TECRL: variants seen among roughly 807,000 people sequenced by gnomAD.
TECRL encodes the protein trans-2,3-enoyl-CoA reductase-like.
A neutral mutation model predicts 52.8 loss-of-function variants in TECRL; 63 were observed. That is an observed-to-expected ratio of 1.19 (90% CI 0.97 to 1.47). The LOEUF is 1.47. TECRL is among the 40% of genes most tolerant of loss of function. The probability of loss-of-function intolerance (pLI) is 0.00; values close to 1 mark genes in which losing one functional copy is unlikely to be tolerated. For missense variants in TECRL, 482 were observed against 429.6 expected (o/e 1.12, Z -1.08); for synonymous variants, 164 against 141.9 (o/e 1.16, Z -1.10).
At position 64,279,993 on chromosome 4, in the gene TECRL, A is replaced by T; in HGVS notation, c.*79T>A. On this transcript the variant is annotated 3_prime_UTR_variant, in exon 12 of 12. Transcript: ENST00000381210. ...TGTTGCTCATGAATTGTTGGAGTAT[A>T]ATAGTTAACTATCCTTAACTAAGTC... is the stretch of plus-strand genomic sequence containing the variant. 6.7e-7 allele frequency: 1 copy of T among 1,485,804 alleles called. No individual in the cohort carries two copies. The highest frequency in any genetic ancestry group is 1.4e-5 in the African/African-American group (1 of 70,000). 92.0% of individuals were successfully genotyped at this position (1,485,804 alleles called of 1,614,324 possible). A position where few individuals can be genotyped will look rare whatever the true frequency, so the allele number is the denominator to read the frequency against.
At chr4:64,291,422 C>T (rs578234225) in intron 8 of TECRL, among the ~76,000 whole-genome samples, 1 of 152,048 alleles carries the variant, frequency 6.6e-6, no homozygotes, top group East Asian at 1.9e-4. Context: ...CATCTTTCAA[C>T]TTAGACAGCT....
chr4:64,377,294 A>G (rs1298973310), intron 1 of TECRL, among the ~76,000 whole-genome samples: 1 of 152,024 alleles, frequency 6.6e-6, no homozygotes, highest in Non-Finnish European at 1.5e-5. Flanking sequence ...TAGCCACAGG[A>G]TTGTACTTGA....
intron 6 of TECRL, among the ~76,000 whole-genome samples, chr4:64,308,936 A>T (rs1391668385): frequency 6.6e-6 from 1 of 152,230 alleles, no homozygotes; most frequent in Admixed American, 6.5e-5. Context: ...ATTGCATAAG[A>T]TACACTAATA....
At chr4:64,298,219 G>T (rs1387962498) in intron 8 of TECRL, among the ~76,000 whole-genome samples, 1 of 151,080 alleles carries the variant, frequency 6.6e-6, no homozygotes, top group Admixed American at 6.6e-5. Context: ...GCTTAAATGT[G>T]CAATTAAAGT....
chr4:64,306,053 G>A (rs1724317801), intron 6 of TECRL, among the ~76,000 whole-genome samples: 7 of 152,104 alleles, frequency 4.6e-5, no homozygotes, highest in Admixed American at 4.6e-4. Context: ...CAACATTTTG[G>A]GGGATTGCTC....
At chr4:64,393,375 A>G (rs919545429) in intron 1 of TECRL, among the ~76,000 whole-genome samples, 4 of 152,160 alleles carry the variant, frequency 2.6e-5, no homozygotes, top group African/African-American at 7.2e-5. Context: ...AAGGGGGGGA[A>G]CATGAATTTC....
At chr4:64,282,688 G>A (rs1204372507) in intron 9 of TECRL, among the ~76,000 whole-genome samples, 1 of 151,984 alleles carries the variant, frequency 6.6e-6, no homozygotes, top group African/African-American at 2.4e-5. Context: ...TAGAGGTGTG[G>A]AATGATCAAG....
chr4:64,387,205 G>A (rs151247641), intron 1 of TECRL, among the ~76,000 whole-genome samples: 179 of 152,080 alleles, frequency 1.2e-3, no homozygotes, highest in African/African-American at 4.1e-3. Context: ...ACTTAGTAAT[G>A]CACATTTAAA....
In TECRL at chr4:64,314,676, C is replaced by A; in HGVS notation, c.523G>T (p.Ala175Ser). The A allele has an allele frequency of 6.2e-7, 1 of 1,611,926 alleles. No homozygotes were observed. The highest frequency in any genetic ancestry group is 8.5e-7 in the Non-Finnish European group (1 of 1,178,872). Residue 175 changes from alanine to serine, a missense_variant, in exon 5 of 12, where the codon GCT (alanine) becomes TCT (serine). By Grantham distance (99) the Ala-to-Ser change is moderately conservative (BLOSUM62 1). Coordinates refer to ENST00000381210, the MANE Select transcript of TECRL (RefSeq NM_001010874.5). ...IPCIYDGKES[A>S]RRLRHPVVHL... ...ACCACTGGGTGGCGTAATCTTCTAGCACTCTCTTTTCCATCATATATACAT... is the reference window on the plus strand; with the variant it reads ...ACCACTGGGTGGCGTAATCTTCTAGAACTCTCTTTTCCATCATATATACAT...
intron 2 of TECRL, among the ~76,000 whole-genome samples, chr4:64,365,956 A>C (rs1336381507): frequency 2.0e-5 from 3 of 152,158 alleles, no homozygotes; most frequent in Non-Finnish European, 4.4e-5. Context: ...ATAAAGCTGG[A>C]AGCATCACAT....
At chr4:64,287,886 T>A (rs1284889945) in intron 9 of TECRL, among the ~76,000 whole-genome samples, 1 of 151,984 alleles carries the variant, frequency 6.6e-6, no homozygotes, top group Non-Finnish European at 1.5e-5. Flanking sequence ...GTGGCTCATG[T>A]CTGTAATCCC....
chr4:64,373,825 A>G (rs984096112), intron 2 of TECRL, among the ~76,000 whole-genome samples: 1 of 147,550 alleles, frequency 6.8e-6, no homozygotes, highest in Non-Finnish European at 1.5e-5. Context: ...TGGCAATTCA[A>G]TTACTAGCTT....
At chr4:64,359,813 C>T (rs143649975) in intron 2 of TECRL, among the ~76,000 whole-genome samples, 300 of 151,950 alleles carry the variant, frequency 2.0e-3, no homozygotes, top group Non-Finnish European at 3.0e-3. Flanking sequence ...GAGTATCCGA[C>T]GACATTAATA....
At chr4:64,301,822 G>A (rs1157186383) in intron 7 of TECRL, among the ~76,000 whole-genome samples, 5 of 150,954 alleles carry the variant, frequency 3.3e-5, no homozygotes, top group African/African-American at 1.2e-4. Context: ...ATAATGATGT[G>A]ATAAAAACAA....
At chr4:64,286,716 C>T (rs1002631458) in intron 9 of TECRL, among the ~76,000 whole-genome samples, 7 of 152,074 alleles carry the variant, frequency 4.6e-5, no homozygotes, top group African/African-American at 1.7e-4. Context: ...AGGTTGGCAT[C>T]TGATTCCTCA....
chr4:64,324,346 A>G (rs1474671632), intron 3 of TECRL, among the ~76,000 whole-genome samples: 8 of 152,020 alleles, frequency 5.3e-5, no homozygotes, highest in Admixed American at 1.3e-4. Flanking sequence ...TGAGTAGACT[A>G]GAGCTCAAAT....
At chr4:64,302,562 A>G (rs1389522062) in intron 7 of TECRL, among the ~76,000 whole-genome samples, 6 of 149,634 alleles carry the variant, frequency 4.0e-5, no homozygotes, top group African/African-American at 1.5e-4. Flanking sequence ...ATTAAAGATT[A>G]AACAGGTAAA....
At chr4:64,399,210 C>T (rs560924334) in intron 1 of TECRL, among the ~76,000 whole-genome samples, 69 of 152,212 alleles carry the variant, frequency 4.5e-4, no homozygotes, top group African/African-American at 1.6e-3. Flanking sequence ...CCTGGGACAC[C>T]TCTGGTTGTG....
chr4:64,301,040 C>A (rs1308131569), intron 7 of TECRL, among the ~76,000 whole-genome samples: 1 of 150,642 alleles, frequency 6.6e-6, no homozygotes, highest in Non-Finnish European at 1.5e-5. Flanking sequence ...AAATATTTTG[C>A]ATAGATATAT....
Sources: gnomAD v4.1 joint callset for allele counts (sites outside exome capture counted in the v4.1 genomes callset) on GRCh38, gnomAD v4.1.1 for gene constraint, MANE v1.5 for transcripts, NCBI Gene and HGNC (gene_info 2026-07-23, HGNC 2026-07-21) for gene names.